Variants in HPSE2 observed in about 807,000 individuals in gnomAD.
HPSE2 encodes inactive heparanase-2.
Under a neutral mutation model 60.5 loss-of-function variants are expected in HPSE2, and 38 were observed. That is an observed-to-expected ratio of 0.63 (90% CI 0.48 to 0.82). The LOEUF (loss-of-function observed/expected upper bound fraction) is 0.82, where lower values mean the gene tolerates loss of function less well. Among genes scored for constraint, HPSE2 ranks in the 40% least tolerant of loss-of-function variants. HPSE2 has a pLI of 0.00. For missense variants in HPSE2, 713 were observed against 740.4 expected (o/e 0.96, Z 0.43); for synonymous variants, 295 against 293.2 (o/e 1.01, Z -0.06).
intron 8 of HPSE2, among the ~76,000 whole-genome samples, chr10:98,619,151 G>T (rs1946003288): frequency 6.6e-6 from 1 of 151,948 alleles, no homozygotes; most frequent in Admixed American, 6.6e-5. Context: ...CTATGCAGGG[G>T]AATGGAAGCT....
At chr10:99,020,033 G>A (rs1297061003) in intron 3 of HPSE2, among the ~76,000 whole-genome samples, 1 of 151,990 alleles carries the variant, frequency 6.6e-6, no homozygotes, top group Non-Finnish European at 1.5e-5. Flanking sequence ...ATACTAAAGA[G>A]GATGTGAGGA....
At chr10:98,793,493 A>C (rs187939909) in intron 3 of HPSE2, among the ~76,000 whole-genome samples, 1 of 152,362 alleles carries the variant, frequency 6.6e-6, no homozygotes, top group East Asian at 1.9e-4. Flanking sequence ...ATTGTTCTAG[A>C]CAAAGGGATT....
chr10:99,089,153 G>C (rs1303759629), intron 3 of HPSE2, among the ~76,000 whole-genome samples: 1 of 152,076 alleles, frequency 6.6e-6, no homozygotes, highest in African/African-American at 2.4e-5. Flanking sequence ...TATTTCTTTT[G>C]CTGTGCAGAT....
At chr10:98,801,015 A>G (rs1380799990) in intron 3 of HPSE2, among the ~76,000 whole-genome samples, 1 of 152,218 alleles carries the variant, frequency 6.6e-6, no homozygotes, top group Non-Finnish European at 1.5e-5. Context: ...TACACTGATG[A>G]CCAAGTGAGA....
chr10:98,759,138 T>C (rs914325048), intron 3 of HPSE2, among the ~76,000 whole-genome samples: 1 of 151,726 alleles, frequency 6.6e-6, no homozygotes, highest in Non-Finnish European at 1.5e-5. Context: ...AAACACTGAG[T>C]ATACATGGAC....
chr10:98,766,805 G>C (rs1403195180), intron 3 of HPSE2, among the ~76,000 whole-genome samples: 3 of 151,990 alleles, frequency 2.0e-5, no homozygotes, highest in Non-Finnish European at 2.9e-5. Context: ...CACACCTGTA[G>C]TCCCAGCTAC....
intron 5 of HPSE2, among the ~76,000 whole-genome samples, chr10:98,719,411 C>A (rs1415240619): frequency 1.3e-5 from 2 of 151,756 alleles, no homozygotes; most frequent in African/African-American, 4.8e-5. Context: ...AGAAACCCTG[C>A]CTCAACATGT....
intron 4 of HPSE2, among the ~76,000 whole-genome samples, chr10:98,732,851 G>T (rs897476618): frequency 6.6e-6 from 1 of 151,996 alleles, no homozygotes; most frequent in African/African-American, 2.4e-5. Context: ...AAAATTATTT[G>T]CAAATCATAT....
At chr10:99,212,887 T>A (rs1266887367) in intron 2 of HPSE2, among the ~76,000 whole-genome samples, 1 of 152,144 alleles carries the variant, frequency 6.6e-6, no homozygotes. Context: ...ATATTGTAAA[T>A]AATATAGAAT....
intron 2 of HPSE2, among the ~76,000 whole-genome samples, chr10:99,150,972 T>C (rs1009190721): frequency 6.6e-6 from 1 of 152,016 alleles, no homozygotes; most frequent in African/African-American, 2.4e-5. Context: ...CACTAAGCTA[T>C]GCAGACTCAG....
At chr10:98,459,875 A>G in intron 11 of HPSE2, 136 bp from the exon 12 acceptor site, 4 of 852,978 alleles carry the variant, frequency 4.7e-6, no homozygotes, top group Non-Finnish European at 7.6e-6. Context: ...GCTATGCCCT[A>G]GATTCTGACC....
At chr10:98,996,196 C>A (rs1366326556) in intron 3 of HPSE2, among the ~76,000 whole-genome samples, 1 of 152,050 alleles carries the variant, frequency 6.6e-6, no homozygotes, top group African/African-American at 2.4e-5. Context: ...TATTAGTTTT[C>A]ATTAATATAA....
the HPSE2 span, among the ~76,000 whole-genome samples, chr10:99,288,346 T>C: frequency 6.6e-6 from 1 of 152,206 alleles, no homozygotes; most frequent in African/African-American, 2.4e-5. Flanking sequence ...TTATGTTGTA[T>C]ATATTTATGT....
intron 2 of HPSE2, among the ~76,000 whole-genome samples, chr10:99,196,455 G>C (rs567339813): frequency 6.6e-6 from 1 of 151,946 alleles, no homozygotes; most frequent in Non-Finnish European, 1.5e-5. Flanking sequence ...TACAAACTAC[G>C]CATCTGACAA....
In HPSE2 at chr10:98,990,222, A is replaced by C. The variant is rs181200468; in HGVS notation, c.610+154016T>G. 2.6e-4 allele frequency among the ~76,000 whole-genome samples: 40 copies of C among 152,294 alleles called. No homozygotes were observed. The East Asian group carries it at 7.5e-3, about 29-fold the overall frequency. On this transcript the variant is annotated intron_variant, in intron 3 of 11. Coordinates refer to ENST00000370552, the MANE Select transcript of HPSE2 (RefSeq NM_021828.5). ...ACATCAGTCTGCAAGAAATTGGTTTATTATGGTCTCTGTGCAGTCAAACTT... is the reference window on the plus strand; with the variant it reads ...ACATCAGTCTGCAAGAAATTGGTTTCTTATGGTCTCTGTGCAGTCAAACTT...
chr10:98,848,373 G>A (rs565289627), intron 3 of HPSE2, among the ~76,000 whole-genome samples: 86 of 151,786 alleles, frequency 5.7e-4, no homozygotes, highest in African/African-American at 1.9e-3. Context: ...AGCCTAGATC[G>A]CACCACTGCA....
intron 9 of HPSE2, among the ~76,000 whole-genome samples, chr10:98,594,430 A>C (rs1005682841): frequency 1.3e-5 from 2 of 152,148 alleles, no homozygotes; most frequent in Admixed American, 1.3e-4. Context: ...ATATCTGAAT[A>C]AATTTATTAG....
intron 4 of HPSE2, among the ~76,000 whole-genome samples, chr10:98,726,554 G>A (rs974923091): frequency 6.6e-6 from 1 of 151,062 alleles, no homozygotes; most frequent in Non-Finnish European, 1.5e-5. Flanking sequence ...GTTAATGGGT[G>A]CAGCACACCA....
chr10:99,218,449 C>CT (rs1490974504), intron 2 of HPSE2, among the ~76,000 whole-genome samples: 1 of 152,042 alleles, frequency 6.6e-6, no homozygotes, highest in Admixed American at 6.5e-5. Flanking sequence ...CCTCGACTCT[C>CT]TTTTCCCCTC....
Sources: gnomAD v4.1 joint callset for allele counts (sites outside exome capture counted in the v4.1 genomes callset) on GRCh38, gnomAD v4.1.1 for gene constraint, MANE v1.5 for transcripts, NCBI Gene and HGNC (gene_info 2026-07-23, HGNC 2026-07-21) for gene names.